Variants in HCN1 observed in about 807,000 individuals in gnomAD.
The protein encoded by HCN1 is potassium/sodium hyperpolarization-activated cyclic nucleotide-gated channel 1.
HCN1 carries 13 observed loss-of-function variants against 78.9 expected under a neutral mutation model. The observed-to-expected ratio is 0.16, with a 90% CI of 0.11 to 0.26. The LOEUF (loss-of-function observed/expected upper bound fraction) is 0.26, where lower values mean the gene tolerates loss of function less well. Ranked by LOEUF, HCN1 falls within the 10% of genes least tolerant of loss-of-function variation. HCN1 has a pLI of 1.00. For synonymous variants in HCN1, 552 were observed against 455.5 expected (o/e 1.21, Z -2.70); for missense variants, 810 against 1,154.3 (o/e 0.70, Z 4.32).
At chr5:45,454,474 A>AAC (rs1342938975) in intron 3 of HCN1, among the ~76,000 whole-genome samples, 5 of 151,538 alleles carry the variant, frequency 3.3e-5, no homozygotes, top group East Asian at 1.9e-4. Context: ...ACCCTTTGTT[A>AAC]GGTCTTAAAA....
intron 1 of HCN1, among the ~76,000 whole-genome samples, chr5:45,685,358 C>A (rs1203127930): frequency 6.6e-6 from 1 of 152,284 alleles, no homozygotes; most frequent in African/African-American, 2.4e-5. Context: ...ATGTTCAATA[C>A]GGTAGCATTC....
chr5:45,544,182 G>A (rs1221465234), intron 2 of HCN1, among the ~76,000 whole-genome samples: 1 of 151,960 alleles, frequency 6.6e-6, no homozygotes, highest in East Asian at 1.9e-4. Context: ...TGCCTTTTTA[G>A]AATATACTTA....
intron 2 of HCN1, among the ~76,000 whole-genome samples, chr5:45,589,981 T>G (rs1255278313): frequency 6.6e-6 from 1 of 152,146 alleles, no homozygotes; most frequent in East Asian, 1.9e-4. Flanking sequence ...CAATCAGTCA[T>G]CAAGGCAAGA....
intron 5 of HCN1, among the ~76,000 whole-genome samples, chr5:45,343,871 T>A (rs553974299): frequency 8.6e-5 from 13 of 151,478 alleles, no homozygotes; most frequent in East Asian, 7.8e-4. Flanking sequence ...ATAAAAAAAA[T>A]ATATATATTG....
chr5:45,375,317 A>G (rs981916137), intron 4 of HCN1, among the ~76,000 whole-genome samples: 1 of 115,002 alleles, frequency 8.7e-6, no homozygotes, highest in East Asian at 2.3e-4. Context: ...AATATATATA[A>G]TATAATATTT....
rs10461759 is a variant in HCN1 at position 45,394,237 on chromosome 5, C to T, written c.1230+2255G>A. 0.015 allele frequency among the ~76,000 whole-genome samples: 2,253 copies of T among 152,156 alleles called. 205 individuals are homozygous for T. In the East Asian group the frequency reaches 0.27, roughly 18 times the overall value. ...GTCAAGGAAGGCTAGATACACTCTC[C>T]TCATTGGTTTGGAAGAGAAGGAAGA... On this transcript the variant is annotated intron_variant, in intron 4 of 7. Coordinates refer to ENST00000303230, the MANE Select transcript of HCN1 (RefSeq NM_021072.4).
At chr5:45,637,665 T>A (rs1045656148) in intron 2 of HCN1, among the ~76,000 whole-genome samples, 1 of 151,586 alleles carries the variant, frequency 6.6e-6, no homozygotes, top group Admixed American at 6.6e-5. Context: ...AGATGGATAA[T>A]CTGAAACTGT....
intron 2 of HCN1, among the ~76,000 whole-genome samples, chr5:45,516,619 T>C (rs1378378412): frequency 6.6e-6 from 1 of 151,984 alleles, no homozygotes; most frequent in African/African-American, 2.4e-5. Context: ...CCTGGTTTTA[T>C]AAACTGCTCT....
At chr5:45,647,034 TAAG>T (rs1745562482) in intron 1 of HCN1, among the ~76,000 whole-genome samples, 2 of 152,166 alleles carry the variant, frequency 1.3e-5, no homozygotes, top group South Asian at 4.1e-4. Flanking sequence ...CATCTGTAAT[TAAG>T]AATGACTCCT....
intron 4 of HCN1, among the ~76,000 whole-genome samples, chr5:45,393,938 G>C (rs1319732774): frequency 6.6e-6 from 1 of 152,104 alleles, no homozygotes; most frequent in Non-Finnish European, 1.5e-5. Flanking sequence ...ATTCTATATA[G>C]AGATCAGGGG....
At chr5:45,511,064 G>C (rs779474658) in intron 2 of HCN1, among the ~76,000 whole-genome samples, 22 of 151,970 alleles carry the variant, frequency 1.4e-4, no homozygotes, top group South Asian at 6.2e-4. Context: ...CTTTATAAAA[G>C]TTAATAACAC....
chr5:45,397,440 CTGA>C (rs1293481506), intron 3 of HCN1, among the ~76,000 whole-genome samples: 2 of 151,916 alleles, frequency 1.3e-5, no homozygotes, highest in Admixed American at 1.3e-4. Context: ...GTTGTAACTT[CTGA>C]TGTCATTTAA....
chr5:45,335,246 G>A (rs1290933113), intron 5 of HCN1, among the ~76,000 whole-genome samples: 3 of 151,988 alleles, frequency 2.0e-5, no homozygotes, highest in Non-Finnish European at 2.9e-5. Context: ...GTATAAGTCT[G>A]CTCATGTTAA....
intron 5 of HCN1, among the ~76,000 whole-genome samples, chr5:45,345,773 C>G (rs1579827072): frequency 1.3e-5 from 2 of 152,200 alleles, no homozygotes; most frequent in Admixed American, 6.5e-5. Flanking sequence ...ACATTTTACT[C>G]TCTTCTTCTG....
chr5:45,598,615 T>A (rs764413698), intron 2 of HCN1, among the ~76,000 whole-genome samples: 3 of 152,102 alleles, frequency 2.0e-5, no homozygotes, highest in Non-Finnish European at 2.9e-5. Flanking sequence ...GAGATTACCA[T>A]CACAGTGAAC....
intron 5 of HCN1, among the ~76,000 whole-genome samples, chr5:45,316,812 C>A (rs573684612): frequency 4.6e-4 from 70 of 152,204 alleles, no homozygotes; most frequent in African/African-American, 1.5e-3. Context: ...CTCCCATTCA[C>A]AATTGCTTCA....
At chr5:45,303,558 A>C in intron 6 of HCN1, 41 bp downstream of exon 6, 1 of 1,606,916 alleles carries the variant, frequency 6.2e-7, no homozygotes, top group Non-Finnish European at 8.5e-7. Flanking sequence ...ACAAATCTCA[A>C]GCAGTTTAGA....
chr5:45,604,842 T>C (rs1744694862), intron 2 of HCN1, among the ~76,000 whole-genome samples: 1 of 152,052 alleles, frequency 6.6e-6, no homozygotes. Flanking sequence ...AATATGGCTT[T>C]ATAGTTATAA....
chr5:45,590,360 C>A (rs183628629), intron 2 of HCN1, among the ~76,000 whole-genome samples: 1 of 152,276 alleles, frequency 6.6e-6, no homozygotes, highest in African/African-American at 2.4e-5. Context: ...TTCCCATCTA[C>A]CCACTGCCCT....
Sources: allele counts gnomAD v4.1 joint callset (sites outside exome capture counted in the v4.1 genomes callset), GRCh38; gene constraint gnomAD v4.1.1; transcripts MANE v1.5; gene names NCBI Gene and HGNC (gene_info 2026-07-23, HGNC 2026-07-21).